The following CSMD1 variants were observed in gnomAD, a reference collection of about 807,000 sequenced individuals.
CSMD1 encodes the protein CUB and sushi domain-containing protein 1.
Under a neutral mutation model 417.5 loss-of-function variants are expected in CSMD1, and 213 were observed. The observed-to-expected ratio is 0.51, with a 90% confidence interval of 0.46 to 0.57. The LOEUF (loss-of-function observed/expected upper bound fraction) is 0.57, where lower values mean the gene tolerates loss of function less well. CSMD1 is among the 20% of genes least tolerant of loss of function. The pLI is 0.00. For synonymous variants in CSMD1, 2,862 were observed against 1,736.8 expected (o/e 1.65, Z -16.11); for missense variants, 6,923 against 4,529.7 (o/e 1.53, Z -15.17).
At chr8:3,639,286 T>C (rs558657975) in intron 7 of CSMD1, among the ~76,000 whole-genome samples, 1 of 152,334 alleles carries the variant, frequency 6.6e-6, no homozygotes, top group Non-Finnish European at 1.5e-5. Flanking sequence ...TAATATACTT[T>C]ATTATTACTA....
At chr8:4,672,774 G>C (rs1292219907) in intron 1 of CSMD1, among the ~76,000 whole-genome samples, 1 of 151,706 alleles carries the variant, frequency 6.6e-6, no homozygotes, top group Non-Finnish European at 1.5e-5. Context: ...TGCATACATG[G>C]TGACATGACA....
intron 1 of CSMD1, among the ~76,000 whole-genome samples, chr8:4,993,708 GGAGCGAAGTCCGGGGGA>G (rs1811602671): frequency 6.6e-6 from 1 of 152,224 alleles, no homozygotes; most frequent in Non-Finnish European, 1.5e-5. Context: ...CAACTTGCAA[GGAGCGAAGTCCGGGGGA>G]GAGGAAAGCG....
chr8:3,128,648 T>C (rs2129024952), intron 41 of CSMD1: 1 of 308,474 alleles, frequency 3.2e-6, no homozygotes, highest in Middle Eastern at 1.2e-3. Context: ...ACTGACAAAC[T>C]ATCTAATTAA....
intron 9 of CSMD1, among the ~76,000 whole-genome samples, chr8:3,576,923 G>A (rs563806669): frequency 6.6e-6 from 1 of 152,252 alleles, no homozygotes; most frequent in African/African-American, 2.4e-5. Context: ...ATAATTAACA[G>A]CTGTTATAAA....
At chr8:3,939,694 AG>A (rs1421419506) in intron 5 of CSMD1, among the ~76,000 whole-genome samples, 3 of 152,186 alleles carry the variant, frequency 2.0e-5, no homozygotes, top group African/African-American at 7.2e-5. Flanking sequence ...CCACATAAAA[AG>A]GAAAAAACAG....
chr8:4,415,345 C>A (rs1031718716), intron 3 of CSMD1, among the ~76,000 whole-genome samples: 1 of 152,120 alleles, frequency 6.6e-6, no homozygotes, highest in African/African-American at 2.4e-5. Context: ...GGGATTCCTC[C>A]TTACTCAGGA....
At chr8:4,672,509 A>C (rs1276446502) in intron 1 of CSMD1, among the ~76,000 whole-genome samples, 1 of 152,230 alleles carries the variant, frequency 6.6e-6, no homozygotes, top group African/African-American at 2.4e-5. Flanking sequence ...AAAAGCTTTA[A>C]TAAGGATCTT....
intron 8 of CSMD1, among the ~76,000 whole-genome samples, chr8:3,615,668 A>C (rs2117162838): frequency 6.6e-6 from 1 of 152,288 alleles, no homozygotes; most frequent in African/African-American, 2.4e-5. Context: ...AATTTAACTA[A>C]AAAACATTCC....
At chr8:3,329,601 T>G (rs1055047642) in intron 23 of CSMD1, among the ~76,000 whole-genome samples, 2 of 152,118 alleles carry the variant, frequency 1.3e-5, no homozygotes, top group African/African-American at 4.8e-5. Flanking sequence ...GTACCATGAG[T>G]GCGTCCCCTT....
intron 29 of CSMD1, among the ~76,000 whole-genome samples, chr8:3,216,823 G>A (rs1272964681): frequency 1.3e-5 from 2 of 152,230 alleles, no homozygotes; most frequent in South Asian, 2.1e-4. Context: ...TGCACAGCAC[G>A]ACTGCCTGGT....
chr8:4,639,498 A>G (rs1453149799), intron 1 of CSMD1, among the ~76,000 whole-genome samples: 1 of 152,198 alleles, frequency 6.6e-6, no homozygotes, highest in Non-Finnish European at 1.5e-5. Flanking sequence ...GCTGTTAAGT[A>G]GCTCGCAAAA....
chr8:3,235,500 C>T (rs568185249), intron 26 of CSMD1, among the ~76,000 whole-genome samples: 1 of 152,072 alleles, frequency 6.6e-6, no homozygotes, highest in South Asian at 2.1e-4. Flanking sequence ...TACTGCACAC[C>T]CCAGTTTCCC....
At chr8:4,929,617 T>G (rs1807104016) in intron 1 of CSMD1, among the ~76,000 whole-genome samples, 1 of 152,238 alleles carries the variant, frequency 6.6e-6, no homozygotes, top group Admixed American at 6.5e-5. Flanking sequence ...GATTTCATCA[T>G]TTGTCACCAT....
intron 37 of CSMD1, among the ~76,000 whole-genome samples, chr8:3,176,962 G>A (rs543882969): frequency 2.0e-5 from 3 of 151,932 alleles, no homozygotes; most frequent in African/African-American, 7.2e-5. Flanking sequence ...AGTTTTTATA[G>A]AGATGAGGTT....
chr8:4,391,264 C>T (rs1366080292), intron 3 of CSMD1, among the ~76,000 whole-genome samples: 3 of 152,194 alleles, frequency 2.0e-5, no homozygotes, highest in Non-Finnish European at 2.9e-5. Context: ...CCACTCACTG[C>T]TTTCACTCAT....
At chr8:4,226,556 A>T (rs143848467) in intron 3 of CSMD1, among the ~76,000 whole-genome samples, 3 of 152,334 alleles carry the variant, frequency 2.0e-5, no homozygotes, top group Non-Finnish European at 4.4e-5. Flanking sequence ...CATGGATACC[A>T]TAAGTTGAAA....
intron 4 of CSMD1, among the ~76,000 whole-genome samples, chr8:3,998,654 A>C (rs533470599): frequency 6.6e-6 from 1 of 152,288 alleles, no homozygotes; most frequent in South Asian, 2.1e-4. Flanking sequence ...CTGAGTAGAA[A>C]ACAGTTACAT....
At chr8:3,961,386 C>A (rs1204213823) in intron 5 of CSMD1, among the ~76,000 whole-genome samples, 2 of 152,240 alleles carry the variant, frequency 1.3e-5, no homozygotes, top group East Asian at 1.9e-4. Flanking sequence ...CTAGACTCCA[C>A]TGTACACAGT....
intron 10 of CSMD1, among the ~76,000 whole-genome samples, chr8:3,505,310 C>A (rs963068239): frequency 6.6e-6 from 1 of 152,042 alleles, no homozygotes; most frequent in African/African-American, 2.4e-5. Context: ...TGTGGAGTGA[C>A]CGCTGAAACT....
Sources: gnomAD v4.1 joint callset for allele counts (sites outside exome capture counted in the v4.1 genomes callset) on GRCh38, gnomAD v4.1.1 for gene constraint, MANE v1.5 for transcripts, NCBI Gene and HGNC (gene_info 2026-07-23, HGNC 2026-07-21) for gene names.